CDH18: variants seen among roughly 807,000 people sequenced by gnomAD.
CDH18 encodes the protein cadherin 18.
Under a neutral mutation model 67.9 loss-of-function variants are expected in CDH18, and 31 were observed. The ratio of observed to expected loss-of-function variants is 0.46; its 90% CI spans 0.34 to 0.62. The LOEUF (loss-of-function observed/expected upper bound fraction) is 0.62, where lower values mean the gene tolerates loss of function less well. CDH18 is among the 20% of genes least tolerant of loss of function. The pLI, the probability that CDH18 is intolerant of heterozygous loss-of-function variation, is 0.01. For synonymous variants in CDH18, 362 were observed against 347.2 expected (o/e 1.04, Z -0.48); for missense variants, 890 against 975.5 (o/e 0.91, Z 1.17).
In CDH18 at chr5:19,473,482, G is replaced by A. The variant is rs368650801; in HGVS notation, c.2117C>T (p.Thr706Ile). Residue 706 changes from threonine (T) to isoleucine (I), a missense_variant, in exon 13 of 13, where the codon ACC (threonine) becomes ATC (isoleucine). By Grantham distance (89) the Thr-to-Ile change is moderately conservative. Coordinates refer to ENST00000382275, the MANE Select transcript of CDH18 (RefSeq NM_004934.5). ...TTCCTGAACATCTATGCTTTCCAGG[G>A]TGGATGATGTCTGGTGTCTGGGAGT... ...KLTPRHQTSS[T>I]LESIDVQEFI... 6 of 1,613,600 alleles carry A rather than the reference G, an allele frequency of 3.7e-6. No individual in the cohort carries two copies. In the African/African-American group the frequency reaches 8.0e-5, roughly 22 times the overall value.
At chr5:20,186,537 CAATA>C (rs1254694217) in intron 2 of CDH18, among the ~76,000 whole-genome samples, 9 of 151,594 alleles carry the variant, frequency 5.9e-5, no homozygotes, top group African/African-American at 2.2e-4. Flanking sequence ...CAAAAATGGC[CAATA>C]AACACATGGA....
intron 1 of CDH18, among the ~76,000 whole-genome samples, chr5:20,267,052 T>C (rs950642647): frequency 6.6e-6 from 1 of 152,184 alleles, no homozygotes; most frequent in Admixed American, 6.5e-5. Context: ...GATTTGGATA[T>C]TTTGGTCATA....
Position 19,566,487 on chromosome 5 carries a change from A to T in CDH18, c.1253+5092T>A, listed in dbSNP as rs534285108. On this transcript the variant is annotated intron_variant, in intron 8 of 12. Coordinates refer to ENST00000382275, the MANE Select transcript of CDH18 (RefSeq NM_004934.5). ...TTAATGGATTCACACGTGGCTGGGG[A>T]GGCCTCACAATCATGGTGGAAGGCA... 7.9e-5 allele frequency among the ~76,000 whole-genome samples: 12 copies of T among 152,350 alleles called. No homozygotes were observed. In the East Asian group the frequency reaches 2.3e-3, roughly 29 times the overall value.
chr5:19,941,485 T>G (rs1410183553), intron 2 of CDH18, among the ~76,000 whole-genome samples: 1 of 151,940 alleles, frequency 6.6e-6, no homozygotes, highest in Non-Finnish European at 1.5e-5. Flanking sequence ...TAATTATGTT[T>G]TAAGAACTTC....
intron 6 of CDH18, among the ~76,000 whole-genome samples, chr5:19,598,876 T>G (rs1308557031): frequency 1.3e-5 from 2 of 152,116 alleles, no homozygotes; most frequent in Non-Finnish European, 2.9e-5. Context: ...TTGTCCAACT[T>G]CACAGAATTA....
intron 8 of CDH18, among the ~76,000 whole-genome samples, chr5:19,567,181 C>G (rs1414668133): frequency 6.6e-6 from 1 of 152,034 alleles, no homozygotes; most frequent in Non-Finnish European, 1.5e-5. Flanking sequence ...GACATGGTGA[C>G]TACACTAGAT....
intron 1 of CDH18, among the ~76,000 whole-genome samples, chr5:20,385,825 T>G (rs188881745): frequency 1.7e-4 from 26 of 152,342 alleles, no homozygotes; most frequent in African/African-American, 6.3e-4. Context: ...AAATTGTAAC[T>G]ATATGAATAT....
chr5:19,514,216 G>A (rs1745569500), intron 10 of CDH18, among the ~76,000 whole-genome samples: 1 of 152,118 alleles, frequency 6.6e-6, no homozygotes, highest in Non-Finnish European at 1.5e-5. Flanking sequence ...TGGTGTATAT[G>A]TGCCACATTT....
chr5:20,506,986 T>C (rs1410406960), intron 1 of CDH18, among the ~76,000 whole-genome samples: 1 of 152,208 alleles, frequency 6.6e-6, no homozygotes, highest in Non-Finnish European at 1.5e-5. Flanking sequence ...CTCCATTTTA[T>C]AAACTTTTAG....
intron 3 of CDH18, among the ~76,000 whole-genome samples, chr5:19,818,163 C>A (rs1779490485): frequency 6.6e-6 from 1 of 151,972 alleles, no homozygotes; most frequent in South Asian, 2.1e-4. Context: ...AATTCGTAAT[C>A]AAAATGTCAA....
intron 2 of CDH18, among the ~76,000 whole-genome samples, chr5:20,038,231 C>A (rs933691892): frequency 1.3e-5 from 2 of 151,982 alleles, no homozygotes; most frequent in Non-Finnish European, 2.9e-5. Flanking sequence ...CAAAAAAAGC[C>A]CAGGACCAGA....
intron 2 of CDH18, among the ~76,000 whole-genome samples, chr5:20,219,916 C>T (rs1015608888): frequency 6.6e-6 from 1 of 151,550 alleles, no homozygotes; most frequent in African/African-American, 2.4e-5. Context: ...ACAAACTTAA[C>T]CAAAGAAGGG....
intron 11 of CDH18, chr5:19,502,775 G>A: frequency 7.2e-6 from 4 of 556,552 alleles, no homozygotes; most frequent in Middle Eastern, 3.7e-4. Context: ...TACATTTCTT[G>A]TTTAAAGAGA....
In CDH18 at chr5:20,033,033, A is replaced by G. The variant is rs561004965; in HGVS notation, c.-517-41019T>C. On this transcript the variant is annotated intron_variant, in intron 2 of 14. Coordinates refer to the CDH18 transcript ENST00000507958. ...TGGGGGAAAAGGAAACACAAAAGATATTATCTCCCAATATTTTCCTTGCAT... is the reference window on the plus strand; with the variant it reads ...TGGGGGAAAAGGAAACACAAAAGATGTTATCTCCCAATATTTTCCTTGCAT... Among the ~76,000 whole-genome samples the G allele has an allele frequency of 9.2e-5, 14 of 152,082 alleles. No individual in the cohort carries two copies. In the South Asian group the frequency reaches 2.5e-3, roughly 27 times the overall value.
chr5:20,463,747 G>A (rs1751437230), intron 1 of CDH18, among the ~76,000 whole-genome samples: 1 of 152,118 alleles, frequency 6.6e-6, no homozygotes, highest in Non-Finnish European at 1.5e-5. Context: ...AACTTTGAAG[G>A]CTAGAATCAA....
chr5:20,060,623 G>A (rs553337654), intron 2 of CDH18, among the ~76,000 whole-genome samples: 7 of 152,032 alleles, frequency 4.6e-5, no homozygotes, highest in Non-Finnish European at 4.4e-5. Flanking sequence ...TGTGAGCCCC[G>A]TGTAGGCAAG....
chr5:20,374,249 G>C (rs751511812), intron 1 of CDH18, among the ~76,000 whole-genome samples: 80 of 152,230 alleles, frequency 5.3e-4, no homozygotes, highest in Non-Finnish European at 8.1e-4. Context: ...TACAGATACC[G>C]GCAGAAGAGA....
chr5:19,473,628 G>C lies in CDH18; in HGVS notation c.1971C>G (p.Thr657=), dbSNP rs1210377682. The C allele has an allele frequency of 6.2e-7, 1 of 1,613,752 alleles. No individual in the cohort carries two copies. The highest frequency in any genetic ancestry group is 1.7e-5 in the Admixed American group (1 of 59,986). Residue 657 remains threonine, a synonymous_variant, in exon 13 of 13, where the codon ACC becomes ACG. Transcript: ENST00000382275. ...SEEDVRENVV[T]YDDEGGGEED... ...CCTCTCCGCCTCCTTCATCATCATA[G>C]GTGACCACGTTCTCCCGTACATCCT...
intron 4 of CDH18, among the ~76,000 whole-genome samples, chr5:19,736,632 G>A (rs975390678): frequency 3.9e-5 from 6 of 152,028 alleles, no homozygotes; most frequent in African/African-American, 9.7e-5. Context: ...TCTATACTAC[G>A]TAATAAATTA....
Sources: gnomAD v4.1 joint callset for allele counts (sites outside exome capture counted in the v4.1 genomes callset) on GRCh38, gnomAD v4.1.1 for gene constraint, MANE v1.5 for transcripts, NCBI Gene and HGNC (gene_info 2026-07-23, HGNC 2026-07-21) for gene names.